Variants in ITGA9 observed in about 807,000 individuals in gnomAD.
ITGA9 encodes the protein integrin subunit alpha 9.
In ITGA9, 56 loss-of-function variants were observed where a neutral mutation model predicts 127.8. That is an observed-to-expected ratio of 0.44 (90% CI 0.35 to 0.55). The LOEUF is 0.55. ITGA9 is among the 20% of genes least tolerant of loss of function. ITGA9 has a pLI of 0.00. For synonymous variants in ITGA9, 508 were observed against 514.5 expected, an observed-to-expected ratio of 0.99 and a Z score of 0.17; for missense variants, 1,196 against 1,347.1, an observed-to-expected ratio of 0.89 and a Z score of 1.76.
intron 23 of ITGA9, among the ~76,000 whole-genome samples, chr3:37,775,653 A>T (rs946124856): frequency 6.6e-6 from 1 of 151,896 alleles, no homozygotes; most frequent in African/African-American, 2.4e-5. Context: ...CTCAAAAAAA[A>T]AAAAAAAGCA....
chr3:37,760,241 C>A (rs1377726078), intron 23 of ITGA9, among the ~76,000 whole-genome samples: 4 of 149,458 alleles, frequency 2.7e-5, no homozygotes, highest in Non-Finnish European at 5.9e-5. Flanking sequence ...TCAGCCTGGG[C>A]AAAAGAGTGA....
chr3:37,697,914 T>G (rs1700902708), intron 18 of ITGA9, among the ~76,000 whole-genome samples: 1 of 152,226 alleles, frequency 6.6e-6, no homozygotes, highest in African/African-American at 2.4e-5. Flanking sequence ...CACCACACTG[T>G]CTTCCACAAT....
At chr3:37,800,680 G>A (rs894368616) in intron 26 of ITGA9, among the ~76,000 whole-genome samples, 127 of 152,294 alleles carry the variant, frequency 8.3e-4, no homozygotes, top group African/African-American at 2.9e-3. Context: ...ACCAGTAAAT[G>A]TTCTTCCCTG....
chr3:37,734,322 A>G (rs1424193599), intron 19 of ITGA9, among the ~76,000 whole-genome samples: 1 of 152,230 alleles, frequency 6.6e-6, no homozygotes, highest in African/African-American at 2.4e-5. Flanking sequence ...GCCTATAGTA[A>G]TGTATGTGGC....
At chr3:37,800,102 GA>G (rs1185353438) in intron 26 of ITGA9, among the ~76,000 whole-genome samples, 1 of 152,186 alleles carries the variant, frequency 6.6e-6, no homozygotes, top group Admixed American at 6.5e-5. Context: ...ACATTCCGGG[GA>G]AGTGACAGGG....
At chr3:37,466,694 AT>A (rs1698376764) in intron 1 of ITGA9, among the ~76,000 whole-genome samples, 1 of 152,070 alleles carries the variant, frequency 6.6e-6, no homozygotes, top group Admixed American at 6.5e-5. Context: ...ATGCATTCTG[AT>A]TTAATGGGCT....
At chr3:37,669,621 T>TA (rs1376442913) in intron 17 of ITGA9, among the ~76,000 whole-genome samples, 1 of 152,226 alleles carries the variant, frequency 6.6e-6, no homozygotes, top group African/African-American at 2.4e-5. Context: ...CCAATGTATT[T>TA]ATCAGACATT....
intron 18 of ITGA9, among the ~76,000 whole-genome samples, chr3:37,708,729 C>T (rs1298781393): frequency 0.021 from 1 of 48 alleles, no homozygotes; most frequent in Non-Finnish European, 0.062. Flanking sequence ...CTGAGAAACC[C>T]TGGATTATCC....
Position 37,533,302 on chromosome 3 carries a change from C to A in ITGA9, c.1374-12C>A. The A allele has an allele frequency of 6.2e-7, 1 of 1,613,998 alleles. No homozygotes were observed. ...TACCACGACTAAGTCACCTTCCTCT[C>A]TTGCCCTGCAGAGCAAGGCCTGTCA... On this transcript the variant is annotated splice_polypyrimidine_tract_variant and intron_variant, in intron 13 of 27. Coordinates refer to ENST00000264741, the MANE Select transcript of ITGA9 (RefSeq NM_002207.3).
chr3:37,575,248 G>C (rs1414227252), intron 15 of ITGA9, among the ~76,000 whole-genome samples: 2 of 152,152 alleles, frequency 1.3e-5, no homozygotes, highest in Non-Finnish European at 2.9e-5. Context: ...GGCTGCAGGG[G>C]TCTGCAGAGT....
At chr3:37,482,061 A>G (rs1698561569) in intron 4 of ITGA9, among the ~76,000 whole-genome samples, 1 of 152,204 alleles carries the variant, frequency 6.6e-6, no homozygotes. Context: ...CAAGTCAGTC[A>G]TTAGGCTCCC....
intron 18 of ITGA9, among the ~76,000 whole-genome samples, chr3:37,687,285 G>A (rs1700791158): frequency 6.6e-6 from 1 of 152,136 alleles, no homozygotes; most frequent in South Asian, 2.1e-4. Context: ...GTTATAGTCA[G>A]GAAAGAGCAG....
intron 17 of ITGA9, among the ~76,000 whole-genome samples, chr3:37,662,509 C>T (rs371690124): frequency 1.8e-4 from 27 of 152,140 alleles, no homozygotes; most frequent in Non-Finnish European, 3.5e-4. Flanking sequence ...AGTGAAAGTA[C>T]GTTCCAGCTT....
intron 17 of ITGA9, among the ~76,000 whole-genome samples, chr3:37,681,003 C>CA (rs1314064109): frequency 1.3e-5 from 2 of 152,242 alleles, no homozygotes; most frequent in African/African-American, 4.8e-5. Flanking sequence ...TTTCTCATTG[C>CA]ACATGTTATT....
chr3:37,582,763 C>T (rs535637169), intron 15 of ITGA9, among the ~76,000 whole-genome samples: 1 of 152,174 alleles, frequency 6.6e-6, no homozygotes, highest in African/African-American at 2.4e-5. Context: ...ATTTTTGGAC[C>T]CTCTTTGTCC....
Position 37,591,090 on chromosome 3 carries a change from C to G in ITGA9, c.1690-38097C>G, listed in dbSNP as rs190495268. Among the ~76,000 whole-genome samples the G allele has an allele frequency of 8.2e-3, 1,253 of 152,206 alleles. 58 individuals are homozygous for G. Among genetic ancestry groups the G allele is most frequent in the Admixed American group, 0.075 (1,142 of 15,302 alleles). On this transcript the variant is annotated intron_variant, in intron 15 of 27. Coordinates refer to ENST00000264741, the MANE Select transcript of ITGA9 (RefSeq NM_002207.3). The stretch of plus-strand genomic sequence containing the variant: ...GGCCTGGAGGAAACTTCCATGCCAC[C>G]CCTCCTGCCCCTGGGCTCCAGGGCT...
intron 25 of ITGA9, among the ~76,000 whole-genome samples, chr3:37,780,696 G>A (rs1262255381): frequency 1.3e-5 from 2 of 152,174 alleles, no homozygotes; most frequent in Admixed American, 6.5e-5. Flanking sequence ...ATACCCATTA[G>A]TGTGATTGCT....
chr3:37,487,252 C>A (rs1698619327), intron 4 of ITGA9, among the ~76,000 whole-genome samples: 1 of 152,048 alleles, frequency 6.6e-6, no homozygotes, highest in Non-Finnish European at 1.5e-5. Flanking sequence ...ATAAATAGAG[C>A]AAATTAAAGA....
chr3:37,558,159 C>T (rs1559536194), intron 15 of ITGA9, among the ~76,000 whole-genome samples: 2 of 152,216 alleles, frequency 1.3e-5, no homozygotes, highest in Non-Finnish European at 2.9e-5. Context: ...CCAGGGCAGG[C>T]AGGAGTCCTG....
Sources: gnomAD v4.1 joint callset for allele counts (sites outside exome capture counted in the v4.1 genomes callset) on GRCh38, gnomAD v4.1.1 for gene constraint, MANE v1.5 for transcripts, NCBI Gene and HGNC (gene_info 2026-07-23, HGNC 2026-07-21) for gene names.